Variants in CDH23 observed in about 807,000 individuals in gnomAD.
CDH23 encodes cadherin-23.
Under a neutral mutation model 317.1 loss-of-function variants are expected in CDH23, and 189 were observed. That is an observed-to-expected ratio of 0.60 (90% CI 0.53 to 0.67). The LOEUF (loss-of-function observed/expected upper bound fraction) is 0.67. Among genes scored for constraint, CDH23 ranks in the 30% least tolerant of loss-of-function variants. The pLI, the probability that CDH23 is intolerant of heterozygous loss-of-function variation, is 0.00. For missense variants in CDH23, 4,401 were observed against 4,592.4 expected (o/e 0.96, Z 1.20); for synonymous variants, 1,839 against 1,876.8 (o/e 0.98, Z 0.52).
intron 8 of CDH23, among the ~76,000 whole-genome samples, chr10:71,572,290 G>T (rs1012153141): frequency 6.6e-6 from 1 of 151,076 alleles, no homozygotes; most frequent in Non-Finnish European, 1.5e-5. Context: ...TTTTCTCTCT[G>T]CCCCTAGCCC....
chr10:71,776,165 G>T (rs954281626), intron 38 of CDH23, among the ~76,000 whole-genome samples: 2 of 152,166 alleles, frequency 1.3e-5, no homozygotes, highest in African/African-American at 4.8e-5. Context: ...TTTCAAGGCT[G>T]CCAACCCTAT....
At chr10:71,616,530 C>G (rs2132518083) in intron 10 of CDH23, among the ~76,000 whole-genome samples, 1 of 152,376 alleles carries the variant, frequency 6.6e-6, no homozygotes, top group Admixed American at 6.5e-5. Flanking sequence ...GACTTGAACT[C>G]AGTTTTTCTG....
intron 30 of CDH23, among the ~76,000 whole-genome samples, chr10:71,728,841 T>C (rs900709553): frequency 6.6e-6 from 1 of 151,940 alleles, no homozygotes; most frequent in Non-Finnish European, 1.5e-5. Flanking sequence ...GTAGCTGGGA[T>C]TACAGATGCA....
At chr10:71,721,405 C>G (rs1866548783) in intron 28 of CDH23, among the ~76,000 whole-genome samples, 3 of 152,182 alleles carry the variant, frequency 2.0e-5, no homozygotes, top group Admixed American at 6.5e-5. Flanking sequence ...CATCCCCATG[C>G]TAGGCACCAG....
intron 3 of CDH23, among the ~76,000 whole-genome samples, chr10:71,485,789 A>G (rs1852316811): frequency 1.3e-5 from 2 of 152,202 alleles, no homozygotes; most frequent in South Asian, 4.1e-4. Context: ...CTTACTCCAG[A>G]TGGGTGTCAT....
intron 7 of CDH23, among the ~76,000 whole-genome samples, chr10:71,568,724 A>G (rs1049185609): frequency 3.9e-5 from 6 of 152,180 alleles, no homozygotes; most frequent in African/African-American, 1.4e-4. Context: ...TGCGGGCAAC[A>G]GTGTCAGTTC....
intron 6 of CDH23, among the ~76,000 whole-genome samples, chr10:71,557,791 C>T (rs897210572): frequency 6.6e-6 from 1 of 152,016 alleles, no homozygotes; most frequent in Non-Finnish European, 1.5e-5. Flanking sequence ...TGTATATGAC[C>T]TTTTGTTTTC....
At chr10:71,495,726 A>G (rs974135768) in intron 3 of CDH23, among the ~76,000 whole-genome samples, 2 of 151,268 alleles carry the variant, frequency 1.3e-5, no homozygotes, top group African/African-American at 2.4e-5. Context: ...AGTCCTAGCT[A>G]CTTGGGAGGC....
At chr10:71,703,357 G>T (rs1273070678) in intron 24 of CDH23, among the ~76,000 whole-genome samples, 1 of 152,174 alleles carries the variant, frequency 6.6e-6, no homozygotes, top group Non-Finnish European at 1.5e-5. Flanking sequence ...CAACCAACGG[G>T]GATGTGAATC....
At chr10:71,518,071 A>ATGTGTG (rs59841931) in intron 6 of CDH23, among the ~76,000 whole-genome samples, 7 of 150,550 alleles carry the variant, frequency 4.6e-5, no homozygotes, top group African/African-American at 1.7e-4. Context: ...GTGTGTGTGT[A>ATGTGTG]TGTGTGTGTG....
chr10:71,770,749 C>G (rs2132910785), intron 38 of CDH23, among the ~76,000 whole-genome samples: 1 of 152,332 alleles, frequency 6.6e-6, no homozygotes, highest in African/African-American at 2.4e-5. Flanking sequence ...CAGCACACTC[C>G]TGCCTGGACC....
intron 6 of CDH23, among the ~76,000 whole-genome samples, chr10:71,561,770 G>T (rs1857143170): frequency 6.6e-6 from 1 of 152,076 alleles, no homozygotes; most frequent in South Asian, 2.1e-4. Context: ...TCCCCTGAAG[G>T]CATGGGTGTA....
intron 3 of CDH23, among the ~76,000 whole-genome samples, chr10:71,480,500 G>A (rs1426575806): frequency 6.6e-6 from 1 of 152,248 alleles, no homozygotes; most frequent in East Asian, 1.9e-4. Flanking sequence ...TGGGCTGTTG[G>A]AGAGGCATTG....
In CDH23 at chr10:71,732,129, TGACCAG is replaced by T; in HGVS notation, c.3860_3865del (p.Asp1287_Gln1288del). On this transcript the variant is annotated inframe_deletion, in exon 32 of 70. Coordinates refer to ENST00000224721, the MANE Select transcript of CDH23 (RefSeq NM_022124.6). ...GCTACATGATGAATGTGTCGGCCAC[TGACCAG>T]GCCCCGCCCTTCAACCAGGGCTTCT... 6.2e-7 allele frequency: 1 copy of T among 1,614,026 alleles called. No homozygotes were observed. Among genetic ancestry groups the T allele is most frequent in the East Asian group, 2.2e-5 (1 of 44,888 alleles).
intron 42 of CDH23, 78 bp from the exon 43 acceptor site, chr10:71,784,813 G>A: frequency 2.5e-6 from 3 of 1,199,070 alleles, no homozygotes; most frequent in East Asian, 4.7e-5. Flanking sequence ...GCCGCCCTTG[G>A]CGAACCTCCT....
chr10:71,587,314 C>A (rs1201595730), intron 9 of CDH23, among the ~76,000 whole-genome samples: 1 of 152,194 alleles, frequency 6.6e-6, no homozygotes, highest in Non-Finnish European at 1.5e-5. Context: ...TATTAAGATT[C>A]ATTCAATCAT....
intron 17 of CDH23, among the ~76,000 whole-genome samples, chr10:71,680,450 G>A (rs1249536186): frequency 1.3e-5 from 2 of 152,190 alleles, no homozygotes; most frequent in Non-Finnish European, 2.9e-5. Context: ...AAATGCCACT[G>A]TAGAAATTGC....
At chr10:71,611,685 G>T (rs1234205762) in intron 9 of CDH23, among the ~76,000 whole-genome samples, 1 of 152,232 alleles carries the variant, frequency 6.6e-6, no homozygotes, top group Non-Finnish European at 1.5e-5. Flanking sequence ...GCAGACCCAT[G>T]ATTTGAACCC....
In CDH23 at chr10:71,500,484, T is replaced by C. The variant is rs547147204; in HGVS notation, c.146-9598T>C. 7.2e-5 allele frequency among the ~76,000 whole-genome samples: 11 copies of C among 152,262 alleles called. No homozygotes were observed. The South Asian group carries it at 2.3e-3, about 32-fold the overall frequency. On this transcript the variant is annotated intron_variant, in intron 3 of 69. Transcript: ENST00000224721. ...GGAATGGCCGTCTTGCTGGTAGCAA[T>C]AAGTAGACTGAGGAAAGCCAGGGTG...
Sources: allele counts gnomAD v4.1 joint callset (sites outside exome capture counted in the v4.1 genomes callset), GRCh38; gene constraint gnomAD v4.1.1; transcripts MANE v1.5; gene names NCBI Gene and HGNC (gene_info 2026-07-23, HGNC 2026-07-21).